The following PLEKHG4B variants were observed in gnomAD, a reference collection of about 807,000 sequenced individuals.
PLEKHG4B encodes the protein pleckstrin homology and RhoGEF domain containing G4B, also known as pleckstrin homology domain-containing family G member 4B.
PLEKHG4B carries 111 observed loss-of-function variants against 121.3 expected under a neutral mutation model. The observed-to-expected ratio is 0.92, with a 90% confidence interval of 0.78 to 1.07. PLEKHG4B has a LOEUF of 1.07. Among genes scored for constraint, PLEKHG4B ranks in the 50% least tolerant of loss-of-function variants. The pLI, the probability that PLEKHG4B is intolerant of heterozygous loss-of-function variation, is 0.00. For synonymous variants in PLEKHG4B, 738 were observed against 725.0 expected (o/e 1.02, Z -0.29); for missense variants, 1,831 against 1,757.8 (o/e 1.04, Z -0.74).
intron 13 of PLEKHG4B, among the ~76,000 whole-genome samples, chr5:165,073 T>C (rs1579314772): frequency 1.9e-5 from 2 of 107,300 alleles, no homozygotes; most frequent in East Asian, 5.8e-4. Context: ...CTCACACTAA[T>C]GCTCTGACGG....
rs762891653 is a variant in PLEKHG4B at position 162,870 on chromosome 5, T to C, written c.2798T>C (p.Leu933Pro). 1 of 1,519,894 alleles carries C rather than the reference T, an allele frequency of 6.6e-7. No homozygotes were observed. The highest frequency in any genetic ancestry group is 2.4e-5 in the East Asian group (1 of 42,492). The allele number at this position is 1,519,894 out of a possible 1,614,324, so 94.2% of individuals were successfully genotyped here. A position where few individuals can be genotyped will look rare whatever the true frequency, so the allele number is the denominator to read the frequency against. Residue 933 changes from leucine to proline, a missense_variant, in exon 13 of 20, where the codon CTG (leucine) becomes CCG (proline). Leu to Pro is a moderately conservative substitution (Grantham distance 98). Transcript: ENST00000637938. ...AGVAVLKPHALGKPWASQQDL... is the reference protein window; with the variant it reads ...AGVAVLKPHAPGKPWASQQDL... ...GTGGCAGTGCTGAAGCCTCATGCCC[T>C]GGGGAAACCGTGGGCATCACAGCAA...
At chr5:127,816 C>T (rs1399094387) in intron 2 of PLEKHG4B, among the ~76,000 whole-genome samples, 3 of 152,110 alleles carry the variant, frequency 2.0e-5, no homozygotes, top group African/African-American at 7.2e-5. Context: ...CTCAGGAGGT[C>T]CTGAGAACAT....
rs1055421017 is a variant in PLEKHG4B, at chr5:140,625, A to G, written c.1386A>G (p.Ala462=). The change falls in exon 3 of 20, where the codon GCA becomes GCG. Residue 462 remains alanine, a synonymous_variant. Coordinates refer to ENST00000637938, the MANE Select transcript of PLEKHG4B (RefSeq NM_052909.5). ...CCTGCCACACCTCCCACCACTCAGCAGGCTCCAGGCCTGGGGGCCACCTAG... is the reference window on the plus strand; with the variant it reads ...CCTGCCACACCTCCCACCACTCAGCGGGCTCCAGGCCTGGGGGCCACCTAG... ...AAACHTSHHS[A]GSRPGGHLGG... 1 of 1,610,720 alleles carries G rather than the reference A, an allele frequency of 6.2e-7. No individual in the cohort carries two copies. Among genetic ancestry groups the G allele is most frequent in the African/African-American group, 1.3e-5 (1 of 74,710 alleles).
chr5:170,028 T>G (rs1001760242), intron 14 of PLEKHG4B, among the ~76,000 whole-genome samples: 2 of 152,246 alleles, frequency 1.3e-5, no homozygotes, highest in African/African-American at 4.8e-5. Context: ...GTTCTGAGAA[T>G]TCCCTGTGAG....
chr5:151,725 C>T (rs1735612153), intron 7 of PLEKHG4B, 126 bp downstream of exon 7: 2 of 586,348 alleles, frequency 3.4e-6, no homozygotes, highest in Non-Finnish European at 5.7e-6. Flanking sequence ...GCCTGGAAAC[C>T]TACTTCCTAC....
chr5:161,648 T>C lies in PLEKHG4B; in HGVS notation c.2488-135T>C, dbSNP rs1392900040. 4 of 1,071,364 alleles carry C rather than the reference T, an allele frequency of 3.7e-6. No homozygotes were observed. In the East Asian group the frequency reaches 7.7e-5, roughly 21 times the overall value. 66.4% of individuals were successfully genotyped at this position (1,071,364 alleles called of 1,614,324 possible). ...GTCCTTTGGTGCCTGCTCTCGAGAATGAGAGGCAGCAGCAGGCAGCACTGT... is the reference window on the plus strand; with the variant it reads ...GTCCTTTGGTGCCTGCTCTCGAGAACGAGAGGCAGCAGCAGGCAGCACTGT... On this transcript the variant is annotated intron_variant, in intron 11 of 19. Coordinates refer to ENST00000637938, the MANE Select transcript of PLEKHG4B (RefSeq NM_052909.5).
At chr5:105,805 G>C (rs1311850121) in intron 1 of PLEKHG4B, among the ~76,000 whole-genome samples, 3 of 152,024 alleles carry the variant, frequency 2.0e-5, no homozygotes, top group Non-Finnish European at 4.4e-5. Flanking sequence ...TCAAGACGAC[G>C]TAAGCAGGAA....
chr5:106,892 G>A lies in PLEKHG4B; in HGVS notation c.46-6359G>A, dbSNP rs186884307. ...AGATGAGGTGCAGGGCGCAGTTCTC[G>A]TGTATGTACGTGTGTGTGCACGCAC... On this transcript the variant is annotated intron_variant, in intron 1 of 19. Coordinates refer to ENST00000637938, the MANE Select transcript of PLEKHG4B (RefSeq NM_052909.5). Among the ~76,000 whole-genome samples the A allele has an allele frequency of 5.3e-5, 8 of 152,340 alleles. No homozygotes were observed. The East Asian group carries it at 9.6e-4, about 18-fold the overall frequency.
Position 171,202 on chromosome 5 carries a change from C to T in PLEKHG4B, c.3820-12C>T, listed in dbSNP as rs370365235. On this transcript the variant is annotated splice_polypyrimidine_tract_variant and intron_variant, in intron 15 of 19. Transcript: ENST00000637938. ...CCAGGCCGGAGCTGACCCTCTCACCCGGCCCTTGCAGGACAAGCAGCGGGA... is the reference window on the plus strand; with the variant it reads ...CCAGGCCGGAGCTGACCCTCTCACCTGGCCCTTGCAGGACAAGCAGCGGGA... The T allele has an allele frequency of 2.6e-5, 42 of 1,602,982 alleles. No individual in the cohort carries two copies. Among genetic ancestry groups the T allele is most frequent in the African/African-American group, 2.1e-4 (16 of 74,776 alleles).
rs956349079 is a variant in PLEKHG4B, at chr5:159,103, G to A, written c.2487+2192G>A. Among the ~76,000 whole-genome samples, 3 of 151,924 alleles carry A rather than the reference G, an allele frequency of 2.0e-5. No individual in the cohort carries two copies. The highest frequency in any genetic ancestry group is 7.2e-5 in the African/African-American group (3 of 41,414). ...GGTGGAAGCCACAGACTTTCCTGTCGTCCTCGGGGCTCTGGAATCTGAGGG... is the reference window on the plus strand; with the variant it reads ...GGTGGAAGCCACAGACTTTCCTGTCATCCTCGGGGCTCTGGAATCTGAGGG... On this transcript the variant is annotated intron_variant, in intron 11 of 19. Coordinates refer to ENST00000637938, the MANE Select transcript of PLEKHG4B (RefSeq NM_052909.5). The surrounding 1 kb of genome is among the most constrained non-coding windows in gnomAD (Gnocchi z 5.5).
In PLEKHG4B at chr5:159,308, C is replaced by T. The variant is rs190949820; in HGVS notation, c.2487+2397C>T. Among the ~76,000 whole-genome samples the T allele has an allele frequency of 6.7e-5, 10 of 149,828 alleles. No individual in the cohort carries two copies. The highest frequency in any genetic ancestry group is 2.0e-4 in the East Asian group (1 of 5,046). On this transcript the variant is annotated intron_variant, in intron 11 of 19. Coordinates refer to ENST00000637938, the MANE Select transcript of PLEKHG4B (RefSeq NM_052909.5). The surrounding 1 kb of genome is among the most constrained non-coding windows in gnomAD (Gnocchi z 5.5). ...GTGCCTGAGGGTCGCCCAGGTGCAC[C>T]GAGGGCAGGTGTGCTCTTTGTGTCT...
At chr5:169,172 C>A in intron 13 of PLEKHG4B, 168 bp from the exon 14 acceptor site, 2 of 892,638 alleles carry the variant, frequency 2.2e-6, no homozygotes, top group African/African-American at 1.7e-5. Context: ...CCACGCCTGG[C>A]CGGAAGCTTT....
At chr5:165,068 A>G (rs1736259195) in intron 13 of PLEKHG4B, among the ~76,000 whole-genome samples, 1 of 113,986 alleles carries the variant, frequency 8.8e-6, no homozygotes, top group East Asian at 2.6e-4. Flanking sequence ...CGGAGCTCAC[A>G]CTAATGCTCT....
At chr5:109,397 CAAAAAAAAA>C (rs34972342) in intron 1 of PLEKHG4B, among the ~76,000 whole-genome samples, 1 of 61,820 alleles carries the variant, frequency 1.6e-5, no homozygotes, top group Non-Finnish European at 3.0e-5. Context: ...ACTCTGTCTC[CAAAAAAAAA>C]AAAAAAAAAA....
chr5:160,148 T>A (rs1038380957), intron 11 of PLEKHG4B, among the ~76,000 whole-genome samples: 9 of 152,244 alleles, frequency 5.9e-5, no homozygotes, highest in African/African-American at 2.2e-4. Context: ...ACAAATAGAT[T>A]TTTACACACG....
chr5:169,077 T>G, intron 13 of PLEKHG4B: 1 of 466,502 alleles, frequency 2.1e-6, no homozygotes, highest in East Asian at 4.3e-5. Context: ...GGTTTCACCA[T>G]GTTGGCCAGG....
chr5:150,764 C>T (rs1161681990), intron 6 of PLEKHG4B, among the ~76,000 whole-genome samples: 1 of 152,114 alleles, frequency 6.6e-6, no homozygotes, highest in African/African-American at 2.4e-5. Context: ...GTAACAAATG[C>T]TTGGTATTGC....
rs1733554602 is a variant in PLEKHG4B at position 184,616 on chromosome 5, A to C, written c.*2293A>C. 1 of 152,268 alleles carries C rather than the reference A, an allele frequency of 6.6e-6. No homozygotes were observed. Among genetic ancestry groups the C allele is most frequent in the Non-Finnish European group, 1.5e-5 (1 of 68,040 alleles). 9.4% of individuals were successfully genotyped at this position (152,268 alleles called of 1,614,324 possible). A position where few individuals can be genotyped will look rare whatever the true frequency, so the allele number is the denominator to read the frequency against. ...AAAATGAAGAGCATGTGCACCATCC[A>C]GGATTTTCCTCGTTATTTAAATCCC... On this transcript the variant is annotated 3_prime_UTR_variant, in exon 20 of 20. Coordinates refer to ENST00000637938, the MANE Select transcript of PLEKHG4B (RefSeq NM_052909.5).
At chr5:153,859 G>A (rs1404619835) in intron 7 of PLEKHG4B, among the ~76,000 whole-genome samples, 1 of 152,056 alleles carries the variant, frequency 6.6e-6, no homozygotes. Context: ...ACTAATTTTT[G>A]TATTTTGTTT....
Sources: gnomAD v4.1 joint callset for allele counts (sites outside exome capture counted in the v4.1 genomes callset) on GRCh38, gnomAD v4.1.1 for gene constraint, Gnocchi (gnomAD v3.1) non-coding constraint, MANE v1.5 for transcripts, NCBI Gene and HGNC (gene_info 2026-07-23, HGNC 2026-07-21) for gene names.